Variants in PGAP3 observed in about 807,000 individuals in gnomAD.
The protein encoded by PGAP3 is GPI-specific phospholipase A2-like PGAP3.
A neutral mutation model predicts 40.3 loss-of-function variants in PGAP3; 31 were observed. The ratio of observed to expected loss-of-function variants is 0.77; its 90% CI spans 0.58 to 1.04. PGAP3 has a LOEUF of 1.04. PGAP3 is among the 50% of genes least tolerant of loss of function. The pLI, the probability that PGAP3 is intolerant of heterozygous loss-of-function variation, is 0.00. For missense variants in PGAP3, 413 were observed against 423.0 expected (o/e 0.98, Z 0.21); for synonymous variants, 191 against 184.5 (o/e 1.04, Z -0.29).
chr17:39,673,039 G>A lies in PGAP3; in HGVS notation c.899+12C>T. ...CAAAGAAGGTGAGCACCAGGCAGGG[G>A]GCAGCACCCACCTGAAAAAGAGGAC... On this transcript the variant is annotated intron_variant, in intron 7 of 7. Transcript: ENST00000300658. 8 of 1,598,762 alleles carry A rather than the reference G, an allele frequency of 5.0e-6. No individual in the cohort carries two copies. Among genetic ancestry groups the A allele is most frequent in the Non-Finnish European group, 6.8e-6 (8 of 1,173,026 alleles).
chr17:39,684,788 C>T, intron 2 of PGAP3, 39 bp from the exon 3 acceptor site: 1 of 1,527,622 alleles, frequency 6.5e-7, no homozygotes, highest in Non-Finnish European at 8.8e-7. Context: ...GAAGGGCAGG[C>T]AACCCTCAAC....
intron 3 of PGAP3, among the ~76,000 whole-genome samples, chr17:39,683,421 C>T (rs529258807): frequency 1.3e-5 from 2 of 152,310 alleles, no homozygotes; most frequent in East Asian, 1.9e-4. Context: ...TTTACACACA[C>T]CCCTGAAGCA....
At chr17:39,683,250 T>C (rs2057465497) in intron 3 of PGAP3, among the ~76,000 whole-genome samples, 2 of 152,132 alleles carry the variant, frequency 1.3e-5, no homozygotes, top group South Asian at 4.2e-4. Context: ...TGACCCTCCC[T>C]CTCTCCCACC....
intron 3 of PGAP3, among the ~76,000 whole-genome samples, chr17:39,677,893 T>G (rs1159680318): frequency 6.6e-6 from 1 of 152,194 alleles, no homozygotes; most frequent in Non-Finnish European, 1.5e-5. Context: ...ATTGACACCA[T>G]GGCGGTGGGG....
chr17:39,672,842 G>C lies in PGAP3; in HGVS notation c.924C>G (p.Tyr308Ter). 2 of 1,614,164 alleles carry C rather than the reference G, an allele frequency of 1.2e-6. No homozygotes were observed. Among genetic ancestry groups the C allele is most frequent in the Non-Finnish European group, 1.7e-6 (2 of 1,180,014 alleles). The change falls in exon 8 of 8, where the codon TAC (tyrosine) becomes TAG (stop). Residue 308 changes from tyrosine (Y) to a stop codon, truncating the protein, a stop_gained. Coordinates refer to ENST00000300658, the MANE Select transcript of PGAP3 (RefSeq NM_033419.5). LOFTEE classifies it high-confidence loss of function. The part of the protein sequence containing the change: ...FFSFLEDDSL[Y>*]LLKESEDKFK... ...ACTTGTCCTCTGATTCCTTCAGCAG[G>C]TACAGGCTGTCATCTTCCAGAAAGC... is the stretch of plus-strand genomic sequence containing the variant.
At chr17:39,677,429 C>T (rs531799774) in intron 3 of PGAP3, among the ~76,000 whole-genome samples, 3 of 152,268 alleles carry the variant, frequency 2.0e-5, no homozygotes, top group African/African-American at 7.2e-5. Flanking sequence ...AGGAAGAGCC[C>T]CTCCTCCTTC....
intron 3 of PGAP3, among the ~76,000 whole-genome samples, chr17:39,679,144 C>T (rs1597819776): frequency 6.6e-6 from 1 of 152,058 alleles, no homozygotes; most frequent in Non-Finnish European, 1.5e-5. Context: ...CGGGGTTTCA[C>T]CATGTTGGCC....
In PGAP3 at chr17:39,674,598, G is replaced by T; in HGVS notation, c.495+19C>A. ...CTGGGACCACCCTGTGCAGGAGGGG[G>T]AGCTGGAGGAATGCTCACCTCTGTG... On this transcript the variant is annotated intron_variant, in intron 4 of 7. Transcript: ENST00000300658. 3 of 1,547,842 alleles carry T rather than the reference G, an allele frequency of 1.9e-6. No homozygotes were observed. The highest frequency in any genetic ancestry group is 1.7e-4 in the Middle Eastern group (1 of 5,974).
At chr17:39,677,928 G>C (rs1336425949) in intron 3 of PGAP3, among the ~76,000 whole-genome samples, 1 of 152,186 alleles carries the variant, frequency 6.6e-6, no homozygotes, top group Non-Finnish European at 1.5e-5. Context: ...AAATAGCTCA[G>C]TGTCTCAGAA....
chr17:39,674,538 C>A (rs1386642595), intron 4 of PGAP3, 79 bp downstream of exon 4: 3 of 1,425,576 alleles, frequency 2.1e-6, no homozygotes, highest in South Asian at 1.3e-5. Context: ...GTTGGCATGA[C>A]CCTCTAGAGC....
At chr17:39,673,420 C>T in intron 6 of PGAP3, 94 bp downstream of exon 6, 2 of 1,586,270 alleles carry the variant, frequency 1.3e-6, no homozygotes, top group Non-Finnish European at 1.7e-6. Flanking sequence ...CCAAGAGTCT[C>T]TCTAGAACCT....
chr17:39,677,628 C>G (rs2057390619), intron 3 of PGAP3, among the ~76,000 whole-genome samples: 1 of 152,138 alleles, frequency 6.6e-6, no homozygotes, highest in South Asian at 2.1e-4. Flanking sequence ...GGGGAACTGG[C>G]CAGGAGGGCG....
chr17:39,685,902 A>T lies in PGAP3; in HGVS notation c.279+20T>A, dbSNP rs755725736. The T allele has an allele frequency of 8.1e-6, 13 of 1,604,386 alleles. No homozygotes were observed. The Admixed American group carries it at 2.2e-4, about 27-fold the overall frequency. ...CCTACCACGCTACTACCATATGCCT[A>T]CCCTGACCCTCCAACTCACCTTGCC... On this transcript the variant is annotated intron_variant, in intron 2 of 7. Transcript: ENST00000300658.
intron 3 of PGAP3, among the ~76,000 whole-genome samples, chr17:39,677,260 C>T (rs746425831): frequency 5.3e-5 from 8 of 152,148 alleles, no homozygotes; most frequent in Non-Finnish European, 7.4e-5. Context: ...TAGTAGGTGC[C>T]CATCAATGTC....
intron 4 of PGAP3, 21 bp downstream of exon 4, chr17:39,674,596 G>A: frequency 6.5e-7 from 1 of 1,547,214 alleles, no homozygotes; most frequent in Middle Eastern, 1.7e-4. Flanking sequence ...GTGCAGGAGG[G>A]GGAGCTGGAG....
In PGAP3 at chr17:39,686,133, C is replaced by A; in HGVS notation, c.182-114G>T. The A allele has an allele frequency of 6.1e-6, 5 of 818,492 alleles. No individual in the cohort carries two copies. In the South Asian group the frequency reaches 8.1e-5, roughly 13 times the overall value. The allele number at this position is 818,492 out of a possible 1,614,324, so 50.7% of individuals were successfully genotyped here. On this transcript the variant is annotated intron_variant, in intron 1 of 7. Transcript: ENST00000300658. ...AGAGGGCCTGTAAGTTGGAGAGAAC[C>A]AGGAGAAATCTCAAAATTCTAGCTT...
chr17:39,687,172 G>A (rs1324423147), intron 1 of PGAP3, among the ~76,000 whole-genome samples: 1 of 152,192 alleles, frequency 6.6e-6, no homozygotes, highest in East Asian at 1.9e-4. Context: ...AAACAGGCCA[G>A]AACTGGAAAC....
At chr17:39,675,560 G>T in intron 3 of PGAP3, among the ~76,000 whole-genome samples, 1 of 152,132 alleles carries the variant, frequency 6.6e-6, no homozygotes, top group East Asian at 1.9e-4. Context: ...GGGGAGGGAT[G>T]CGCTAGGGTG....
At chr17:39,681,091 T>C (rs2057434491) in intron 3 of PGAP3, among the ~76,000 whole-genome samples, 1 of 152,064 alleles carries the variant, frequency 6.6e-6, no homozygotes, top group Non-Finnish European at 1.5e-5. Flanking sequence ...GTCTGGAACT[T>C]GTGAGCTCAA....
Sources: gnomAD v4.1 joint callset for allele counts (sites outside exome capture counted in the v4.1 genomes callset) on GRCh38, gnomAD v4.1.1 for gene constraint, MANE v1.5 for transcripts, NCBI Gene and HGNC (gene_info 2026-07-23, HGNC 2026-07-21) for gene names.